The following ITGA4 variants were observed in gnomAD, a reference collection of about 807,000 sequenced individuals.
ITGA4 encodes the protein integrin subunit alpha 4, also known as integrin alpha-4.
ITGA4 carries 63 observed loss-of-function variants against 133.6 expected under a neutral mutation model. The observed-to-expected ratio is 0.47, with a 90% CI of 0.38 to 0.58. The LOEUF is 0.58. Among genes scored for constraint, ITGA4 ranks in the 20% least tolerant of loss-of-function variants. ITGA4 has a pLI of 0.00. For synonymous variants in ITGA4, 483 were observed against 438.0 expected (o/e 1.10, Z -1.28); for missense variants, 1,076 against 1,252.7 (o/e 0.86, Z 2.13).
chr2:181,460,567 G>GTGTGTGTA (rs1559034690), intron 2 of ITGA4, among the ~76,000 whole-genome samples: 418 of 30,492 alleles, frequency 0.014, 2 homozygotes, highest in African/African-American at 0.059. Flanking sequence ...CTGTAGAAGA[G>GTGTGTGTA]TGTGTGTGTG....
intron 15 of ITGA4, among the ~76,000 whole-genome samples, chr2:181,508,167 C>G (rs1462619455): frequency 2.0e-5 from 3 of 151,376 alleles, no homozygotes; most frequent in African/African-American, 7.3e-5. Flanking sequence ...TAAACTCGAG[C>G]TGTTTCTTTG....
chr2:181,464,643 A>T (rs1247118594), intron 2 of ITGA4, among the ~76,000 whole-genome samples: 1 of 152,108 alleles, frequency 6.6e-6, no homozygotes, highest in Non-Finnish European at 1.5e-5. Flanking sequence ...GGGCTCAATA[A>T]ATGTGAAATA....
chr2:181,509,847 TTAAC>T (rs759248092), intron 16 of ITGA4, 40 bp downstream of exon 16: 30 of 1,446,652 alleles, frequency 2.1e-5, no homozygotes, highest in Non-Finnish European at 2.9e-5. Context: ...TGTATGGCAT[TTAAC>T]TAAATTTTTA....
Position 181,530,584 on chromosome 2 carries a change from A to T in ITGA4, c.2599A>T (p.Lys867Ter), listed in dbSNP as rs1686924524. ...YQRVCALEQQ[K>*]SAMQTLKGIV... ...AAGAGTGTGTGCATTAGAGCAGCAA[A>T]AGAGTGCAATGCAGACCTTGAAAGG... Residue 867 changes from lysine to a stop codon, truncating the protein, a stop_gained, in exon 24 of 28, where the codon AAG becomes TAG. Coordinates refer to ENST00000397033, the MANE Select transcript of ITGA4 (RefSeq NM_000885.6). LOFTEE classifies it high-confidence loss of function. The T allele has an allele frequency of 6.2e-7, 1 of 1,612,410 alleles. No homozygotes were observed. Among genetic ancestry groups the T allele is most frequent in the Non-Finnish European group, 8.5e-7 (1 of 1,178,704 alleles).
Position 181,531,765 on chromosome 2 carries a change from A to C in ITGA4, c.2773A>C (p.Ile925Leu). The C allele has an allele frequency of 6.3e-7, 1 of 1,596,274 alleles. No individual in the cohort carries two copies. The highest frequency in any genetic ancestry group is 1.2e-5 in the South Asian group (1 of 86,610). Reference sequence around the variant, plus strand: ...TATCCAACTGGAAGGCCGGCCATCCATTTTAGAAATGGTAAGTAAGTCTAA... The same window carrying C: ...TATCCAACTGGAAGGCCGGCCATCCCTTTTAGAAATGGTAAGTAAGTCTAA... ...VHIQLEGRPSILEMDETSALK... is the reference protein window; with the variant it reads ...VHIQLEGRPSLLEMDETSALK... Residue 925 changes from isoleucine (I) to leucine (L), a missense_variant, in exon 25 of 28, where the codon ATT becomes CTT. Coordinates refer to ENST00000397033, the MANE Select transcript of ITGA4 (RefSeq NM_000885.6).
At chr2:181,478,373 G>A (rs1421734759) in intron 4 of ITGA4, among the ~76,000 whole-genome samples, 1 of 152,038 alleles carries the variant, frequency 6.6e-6, no homozygotes, top group African/African-American at 2.4e-5. Context: ...CCGTGAGGAG[G>A]TATGTAAAGT....
chr2:181,469,418 G>A (rs1278116779), intron 2 of ITGA4, among the ~76,000 whole-genome samples: 2 of 152,172 alleles, frequency 1.3e-5, no homozygotes, highest in Non-Finnish European at 2.9e-5. Flanking sequence ...GGAAACAACA[G>A]GTGCTGGAGA....
chr2:181,480,662 A>G (rs155096), intron 6 of ITGA4, among the ~76,000 whole-genome samples: 115,668 of 151,994 alleles, frequency 0.76, 44,330 homozygotes, highest in Admixed American at 0.85. Flanking sequence ...AAACATCTGC[A>G]TAAGTAAGTA....
intron 17 of ITGA4, among the ~76,000 whole-genome samples, chr2:181,513,691 G>A (rs554998166): frequency 7.9e-5 from 12 of 152,094 alleles, no homozygotes; most frequent in Non-Finnish European, 1.8e-4. Flanking sequence ...AATTCCCCAG[G>A]AAGTTTTTCA....
chr2:181,502,304 C>G (rs560008614), intron 15 of ITGA4, among the ~76,000 whole-genome samples: 24 of 152,104 alleles, frequency 1.6e-4, no homozygotes, highest in South Asian at 4.2e-4. Context: ...ACAAAGGTGA[C>G]CAAAGAAATG....
intron 2 of ITGA4, among the ~76,000 whole-genome samples, chr2:181,466,091 G>A (rs773144905): frequency 2.0e-5 from 3 of 152,014 alleles, no homozygotes; most frequent in Non-Finnish European, 2.9e-5. Flanking sequence ...AAAGACTTGC[G>A]TACGTTTTCT....
In ITGA4 at chr2:181,482,396, A is replaced by G. The variant is rs200785754; in HGVS notation, c.877A>G (p.Ile293Val). Reference sequence around the variant, plus strand: ...CAGCATTGATGAAAAAGAACTAAATATCTTACATGAAATGAAAGGTAAAAA... The same window carrying G: ...CAGCATTGATGAAAAAGAACTAAATGTCTTACATGAAATGAAAGGTAAAAA... ...IFSIDEKELN[I>V]LHEMKGKKLG... The change falls in exon 8 of 28, where the codon ATC becomes GTC. Residue 293 changes from isoleucine to valine, a missense_variant. Physicochemically the swap from Ile to Val is conservative, Grantham distance 29. Transcript: ENST00000397033. 1 of 1,613,070 alleles carries G rather than the reference A, an allele frequency of 6.2e-7. No homozygotes were observed. Among genetic ancestry groups the G allele is most frequent in the African/African-American group, 1.3e-5 (1 of 74,998 alleles).
intron 2 of ITGA4, among the ~76,000 whole-genome samples, chr2:181,464,032 TCC>T (rs1178562208): frequency 1.3e-5 from 2 of 151,520 alleles, no homozygotes; most frequent in South Asian, 4.2e-4. Flanking sequence ...TTTCCAGAGG[TCC>T]CCAGATGATT....
chr2:181,526,253 TATG>T (rs1239918844), intron 21 of ITGA4, among the ~76,000 whole-genome samples: 2 of 152,238 alleles, frequency 1.3e-5, no homozygotes, highest in African/African-American at 4.8e-5. Context: ...CCTCCTGGCT[TATG>T]ATGAGTGTCT....
intron 17 of ITGA4, among the ~76,000 whole-genome samples, chr2:181,512,050 T>G (rs1686517172): frequency 6.6e-6 from 1 of 152,100 alleles, no homozygotes; most frequent in East Asian, 1.9e-4. Context: ...AGGAAATAGA[T>G]ATGTGTTTTA....
intron 4 of ITGA4, among the ~76,000 whole-genome samples, chr2:181,477,779 C>G (rs1483300087): frequency 6.6e-6 from 1 of 152,062 alleles, no homozygotes; most frequent in Non-Finnish European, 1.5e-5. Flanking sequence ...TTATAGAAAA[C>G]AGTAGAGAAG....
chr2:181,528,886 C>T (rs886948225), intron 22 of ITGA4, among the ~76,000 whole-genome samples: 6 of 152,286 alleles, frequency 3.9e-5, no homozygotes, highest in Middle Eastern at 3.4e-3. Context: ...CCAAATTTAT[C>T]ATCCTCTTAT....
chr2:181,479,974 CT>C (rs543403907), intron 5 of ITGA4, among the ~76,000 whole-genome samples, 162 bp from the exon 6 acceptor site: 20 of 151,178 alleles, frequency 1.3e-4, no homozygotes, highest in Non-Finnish European at 2.1e-4. Context: ...TAGCCAACTT[CT>C]CTGGCTTTTT....
rs13000886 is a variant in ITGA4, at chr2:181,496,029, C to A, written c.1540+92C>A. Reference sequence around the variant, plus strand: ...TTGGAGCCCTCACCGGTTTTCACCACGGAGATCTTCTTTAGAGCGGGGGAG... The same window carrying A: ...TTGGAGCCCTCACCGGTTTTCACCAAGGAGATCTTCTTTAGAGCGGGGGAG... On this transcript the variant is annotated intron_variant, in intron 14 of 27. Transcript: ENST00000397033. 11,191 of 1,291,820 alleles carry A rather than the reference C, an allele frequency of 8.7e-3. 63 individuals carry two copies. Among genetic ancestry groups the A allele is most frequent in the Non-Finnish European group, 0.011 (9,982 of 918,960 alleles). 80.0% of individuals were successfully genotyped at this position (1,291,820 alleles called of 1,614,324 possible).
Sources: allele counts gnomAD v4.1 joint callset (sites outside exome capture counted in the v4.1 genomes callset), GRCh38; gene constraint gnomAD v4.1.1; transcripts MANE v1.5; gene names NCBI Gene and HGNC (gene_info 2026-07-23, HGNC 2026-07-21).